SYCP2L: variants seen among roughly 807,000 people sequenced by gnomAD.
SYCP2L encodes the protein synaptonemal complex protein 2-like.
In SYCP2L, 98 loss-of-function variants were observed where a neutral mutation model predicts 125.8. That is an observed-to-expected ratio of 0.78 (90% CI 0.66 to 0.92). The LOEUF (loss-of-function observed/expected upper bound fraction) is 0.92, where lower values mean the gene tolerates loss of function less well. Ranked by LOEUF, SYCP2L falls within the 40% of genes least tolerant of loss-of-function variation. The pLI, the probability that SYCP2L is intolerant of heterozygous loss-of-function variation, is 0.00. For missense variants in SYCP2L, 842 were observed against 936.4 expected, an observed-to-expected ratio of 0.90 and a Z score of 1.32; for synonymous variants, 317 against 325.4, an observed-to-expected ratio of 0.97 and a Z score of 0.28.
chr6:10,968,061 G>A (rs1022291906), intron 29 of SYCP2L, among the ~76,000 whole-genome samples: 1 of 152,076 alleles, frequency 6.6e-6, no homozygotes, highest in Non-Finnish European at 1.5e-5. Context: ...CAGTTCCTTC[G>A]ATGGACCAGT....
In SYCP2L at chr6:10,917,702, C is replaced by T. The variant is rs377350549; in HGVS notation, c.1072+4775C>T. ...CATCATGCTACTTCTTGCTTATATG[C>T]CTTGGGTTTTGTTTGTAATATTGTA... On this transcript the variant is annotated intron_variant, in intron 14 of 29. Coordinates refer to ENST00000283141, the MANE Select transcript of SYCP2L (RefSeq NM_001040274.3). Among the ~76,000 whole-genome samples the T allele has an allele frequency of 3.3e-5, 5 of 152,022 alleles. No homozygotes were observed. The East Asian group carries it at 7.7e-4, about 23-fold the overall frequency.
At chr6:10,952,241 G>A (rs1561699141) in intron 23 of SYCP2L, among the ~76,000 whole-genome samples, 4 of 152,194 alleles carry the variant, frequency 2.6e-5, no homozygotes, top group Non-Finnish European at 2.9e-5. Context: ...TGAAGTGCTG[G>A]TTCTTGTGCA....
chr6:10,943,938 A>G (rs1288994804), intron 23 of SYCP2L, among the ~76,000 whole-genome samples: 2 of 152,184 alleles, frequency 1.3e-5, no homozygotes, highest in East Asian at 3.8e-4. Flanking sequence ...CCATATTTAA[A>G]AATCCATTCC....
intron 6 of SYCP2L, among the ~76,000 whole-genome samples, chr6:10,900,996 ACCT>A: frequency 6.6e-6 from 1 of 152,164 alleles, no homozygotes; most frequent in East Asian, 1.9e-4. Flanking sequence ...ATTTCTTCTC[ACCT>A]CCTTCTGCAA....
rs1581822090 is a variant in SYCP2L, at chr6:10,910,006, A to C, written c.820-142A>C. 63 of 629,782 alleles carry C rather than the reference A, an allele frequency of 1.0e-4. 1 individual carries two copies. The South Asian group carries it at 1.3e-3, about 13-fold the overall frequency. 39.0% of individuals were successfully genotyped at this position (629,782 alleles called of 1,614,324 possible). A position where few individuals can be genotyped will look rare whatever the true frequency, so the allele number is the denominator to read the frequency against. The stretch of plus-strand genomic sequence containing the variant: ...TGGCATGAAGTATTGTTAACATATA[A>C]TAACAAATCCTTGTAAAGCCTCATT... On this transcript the variant is annotated intron_variant, in intron 10 of 29. Transcript: ENST00000283141.
chr6:10,944,631 TTCTC>T (rs1374854947), intron 23 of SYCP2L, among the ~76,000 whole-genome samples: 4 of 152,126 alleles, frequency 2.6e-5, no homozygotes, highest in African/African-American at 9.6e-5. Context: ...TGCTATCCAT[TTCTC>T]TCTAAGTACT....
chr6:10,907,678 T>C lies in SYCP2L; in HGVS notation c.813T>C (p.Phe271=), dbSNP rs1424061947. 3 of 1,612,100 alleles carry C rather than the reference T, an allele frequency of 1.9e-6. No individual in the cohort carries two copies. Among genetic ancestry groups the C allele is most frequent in the East Asian group, 2.2e-5 (1 of 44,858 alleles). The change falls in exon 10 of 30, where the codon TTT becomes TTC. Residue 271 remains phenylalanine, a synonymous_variant. Transcript: ENST00000283141. ...EAFKEIKDRE[F]ETDSRRFLNH... ...TCAAAGAAATTAAGGATCGAGAATT[T>C]GAGACGGTGAGATTCCTGGCCATGC...
At chr6:10,893,144 A>G (rs575803266) in intron 2 of SYCP2L, among the ~76,000 whole-genome samples, 2 of 141,032 alleles carry the variant, frequency 1.4e-5, no homozygotes, top group African/African-American at 5.2e-5. Flanking sequence ...TATTACAGGC[A>G]TGCGCCACCA....
chr6:10,925,572 A>G (rs1382863861), intron 15 of SYCP2L, among the ~76,000 whole-genome samples: 2 of 152,208 alleles, frequency 1.3e-5, no homozygotes, highest in Non-Finnish European at 2.9e-5. Flanking sequence ...TGGCCCATAG[A>G]AAGTTGAATT....
At chr6:10,950,868 C>T (rs1432522866) in intron 23 of SYCP2L, among the ~76,000 whole-genome samples, 1 of 152,092 alleles carries the variant, frequency 6.6e-6, no homozygotes, top group Non-Finnish European at 1.5e-5. Flanking sequence ...GACATGTTGG[C>T]TAGGCTGGTC....
At position 10,907,623 on chromosome 6, in the gene SYCP2L, G is replaced by T. The variant is rs753844359; in HGVS notation, c.758G>T (p.Trp253Leu). Reference sequence around the variant, plus strand: ...TCAAGGGATGAACTTGTCCATAAATGGTTTGATGATGAAGTCATTGCTGAA... The same window carrying T: ...TCAAGGGATGAACTTGTCCATAAATTGTTTGATGATGAAGTCATTGCTGAA... ...KKSRDELVHK[W>L]FDDEVIAEAF... is the part of the protein sequence containing the mutation. The change falls in exon 10 of 30, where the codon TGG becomes TTG. Residue 253 changes from tryptophan to leucine, a missense_variant. Trp to Leu is a moderately conservative substitution (Grantham distance 61). Coordinates refer to ENST00000283141, the MANE Select transcript of SYCP2L (RefSeq NM_001040274.3). 2 of 1,613,966 alleles carry T rather than the reference G, an allele frequency of 1.2e-6. No homozygotes were observed. The highest frequency in any genetic ancestry group is 1.7e-5 in the Admixed American group (1 of 60,012).
intron 28 of SYCP2L, among the ~76,000 whole-genome samples, chr6:10,962,712 G>T (rs1375058422): frequency 6.6e-6 from 1 of 152,080 alleles, no homozygotes; most frequent in Non-Finnish European, 1.5e-5. Context: ...TGACTTTTCA[G>T]AACAAGAAGC....
intron 14 of SYCP2L, among the ~76,000 whole-genome samples, chr6:10,919,816 C>T (rs1780760787): frequency 6.6e-6 from 1 of 152,024 alleles, no homozygotes; most frequent in African/African-American, 2.4e-5. Context: ...AGGATTATGG[C>T]TGTCTCTGCT....
Position 10,887,148 on chromosome 6 carries a change from CG to C in SYCP2L, c.9+14del. On this transcript the variant is annotated intron_variant, in intron 1 of 29. Coordinates refer to ENST00000283141, the MANE Select transcript of SYCP2L (RefSeq NM_001040274.3). Reference sequence around the variant, plus strand: ...CGTTATGCAAGCGGTGAGTGACCCCCGAAGGGCCCGGACCTTCTGTCCACAG... The same window carrying C: ...CGTTATGCAAGCGGTGAGTGACCCCCAAGGGCCCGGACCTTCTGTCCACAG... 1 of 1,614,056 alleles carries C rather than the reference CG, an allele frequency of 6.2e-7. No homozygotes were observed. The highest frequency in any genetic ancestry group is 8.5e-7 in the Non-Finnish European group (1 of 1,179,962).
At chr6:10,925,643 A>C (rs1264286390) in intron 15 of SYCP2L, among the ~76,000 whole-genome samples, 1 of 152,242 alleles carries the variant, frequency 6.6e-6, no homozygotes, top group African/African-American at 2.4e-5. Flanking sequence ...TGAGTTGTAT[A>C]TGAAGGTGTT....
intron 29 of SYCP2L, among the ~76,000 whole-genome samples, chr6:10,967,099 A>G (rs1781694647): frequency 1.3e-5 from 2 of 152,172 alleles, no homozygotes; most frequent in African/African-American, 4.8e-5. Context: ...TGAAATGAAC[A>G]ATTTCCTAGA....
At chr6:10,971,457 C>CAAAA (rs564161444) in intron 29 of SYCP2L, among the ~76,000 whole-genome samples, 7 of 99,226 alleles carry the variant, frequency 7.1e-5, no homozygotes, top group South Asian at 3.3e-4. Context: ...GACTCTGTCT[C>CAAAA]AAAAAAAAAA....
intron 1 of SYCP2L, among the ~76,000 whole-genome samples, chr6:10,888,413 TGAG>T (rs1210611170): frequency 6.6e-6 from 1 of 152,050 alleles, no homozygotes; most frequent in Non-Finnish European, 1.5e-5. Flanking sequence ...GTTTTTTAAA[TGAG>T]GAGACTGAAT....
intron 17 of SYCP2L, among the ~76,000 whole-genome samples, chr6:10,927,954 T>C (rs1004288503): frequency 6.6e-6 from 1 of 152,172 alleles, no homozygotes; most frequent in African/African-American, 2.4e-5. Context: ...CCCATTTGCT[T>C]TTGAAGGAAG....
Sources: gnomAD v4.1 joint callset for allele counts (sites outside exome capture counted in the v4.1 genomes callset) on GRCh38, gnomAD v4.1.1 for gene constraint, MANE v1.5 for transcripts, NCBI Gene and HGNC (gene_info 2026-07-23, HGNC 2026-07-21) for gene names.